Variants in TRMT11 observed in about 807,000 individuals in gnomAD.
The protein encoded by TRMT11 is tRNA (guanine(10)-N(2))-methyltransferase TRMT11.
In TRMT11, 53 loss-of-function variants were observed where a neutral mutation model predicts 62.8. The ratio of observed to expected loss-of-function variants is 0.84; its 90% CI spans 0.68 to 1.06. TRMT11 has a LOEUF of 1.06. TRMT11 is among the 50% of genes least tolerant of loss of function. The pLI is 0.00. For missense variants in TRMT11, 556 were observed against 553.4 expected (o/e 1.00, Z -0.05); for synonymous variants, 188 against 190.3 (o/e 0.99, Z 0.10).
chr6:126,067,863 T>C (rs1048113760), intron 17 of TRMT11, among the ~76,000 whole-genome samples: 3 of 152,238 alleles, frequency 2.0e-5, no homozygotes, highest in Non-Finnish European at 4.4e-5. Context: ...TTAAATTTTA[T>C]TCATTTGAGT....
chr6:126,093,595 A>G (rs1282321308), intron 17 of TRMT11, among the ~76,000 whole-genome samples: 1,069 of 62,138 alleles, frequency 0.017, 38 homozygotes, highest in Middle Eastern at 0.044. Flanking sequence ...GTATATATAT[A>G]TATATATATA....
In TRMT11 at chr6:126,152,307, T is replaced by G. The variant is rs1481140226; in HGVS notation, c.*1824-22518T>G. On this transcript the variant is annotated intron_variant and NMD_transcript_variant, in intron 21 of 22. Transcript: ENST00000648977. ...AAAAATCAAACATGATCAGCACAGT[T>G]ATTACTTTTTAAAGCCTTTTGAGAA... Among the ~76,000 whole-genome samples the G allele has an allele frequency of 2.6e-5, 4 of 151,222 alleles. No individual in the cohort carries two copies. In the East Asian group the frequency reaches 7.7e-4, roughly 29 times the overall value.
the TRMT11 span, among the ~76,000 whole-genome samples, chr6:126,212,123 GTACTCTATTATA>G: frequency 5.3e-5 from 8 of 152,102 alleles, no homozygotes; most frequent in Non-Finnish European, 1.5e-5. Flanking sequence ...TGGCTGAATA[GTACTCTATTATA>G]TGATATGTAC....
At chr6:125,986,767 G>C (rs1299584003) in intron 1 of TRMT11, 145 bp downstream of exon 1, 2 of 734,704 alleles carry the variant, frequency 2.7e-6, no homozygotes, top group East Asian at 2.8e-5. Flanking sequence ...CCCAGTCCTC[G>C]GGCGGGGTGA....
chr6:126,163,564 T>C (rs1271624935), intron 21 of TRMT11, among the ~76,000 whole-genome samples: 1 of 152,222 alleles, frequency 6.6e-6, no homozygotes, highest in Non-Finnish European at 1.5e-5. Flanking sequence ...GATGCTGGCC[T>C]CATAAAATGA....
At chr6:126,179,528 GT>G (rs896228744) in intron 1 of TRMT11, among the ~76,000 whole-genome samples, 1 of 151,870 alleles carries the variant, frequency 6.6e-6, no homozygotes, top group Non-Finnish European at 1.5e-5. Flanking sequence ...ACTGAACAAA[GT>G]TTTTTTTCTA....
Position 126,060,317 on chromosome 6 carries a change from A to G in TRMT11, c.*1437+7127A>G, listed in dbSNP as rs539136973. On this transcript the variant is annotated intron_variant and NMD_transcript_variant, in intron 17 of 22. Transcript: ENST00000648977. ...TTTTCTCGTAAGTGATAGCTGCTCT[A>G]TTACAGTCTCTAAAAATAATGTTTC... is the stretch of plus-strand genomic sequence containing the variant. Among the ~76,000 whole-genome samples the G allele has an allele frequency of 6.6e-4, 101 of 152,324 alleles. 1 individual carries two copies. Among genetic ancestry groups the G allele is most frequent in the African/African-American group, 2.3e-3 (96 of 41,590 alleles).
chr6:126,068,719 G>A (rs1194510108), intron 17 of TRMT11, among the ~76,000 whole-genome samples: 3 of 152,124 alleles, frequency 2.0e-5, no homozygotes, highest in Non-Finnish European at 2.9e-5. Context: ...ATTCAAGAGC[G>A]TATCGGCTAT....
intron 1 of TRMT11, among the ~76,000 whole-genome samples, chr6:126,190,778 CTTTTTTATGACTAAATAATA>C (rs1006438486): frequency 4.6e-4 from 70 of 152,250 alleles, no homozygotes; most frequent in African/African-American, 1.6e-3. Context: ...GGATTTCATT[CTTTTTTATGACTAAATAATA>C]TCCTATTGTG....
chr6:126,256,902 TC>T, the TRMT11 span, among the ~76,000 whole-genome samples: 3 of 152,264 alleles, frequency 2.0e-5, 1 homozygote, highest in South Asian at 6.2e-4. Flanking sequence ...TGTTTGTTTT[TC>T]GAGATGGAGT....
chr6:126,168,180 G>T (rs9375427), intron 21 of TRMT11, among the ~76,000 whole-genome samples: 31,639 of 151,948 alleles, frequency 0.21, 3,413 homozygotes, highest in Middle Eastern at 0.27. Context: ...TGAAGCTGTG[G>T]AACTCCTTCT....
Position 125,998,604 on chromosome 6 carries a change from G to A in TRMT11, c.442G>A (p.Val148Ile). 4 of 1,613,448 alleles carry A rather than the reference G, an allele frequency of 2.5e-6. No individual in the cohort carries two copies. Among genetic ancestry groups the A allele is most frequent in the Non-Finnish European group, 3.4e-6 (4 of 1,179,618 alleles). ...GKVNLKKPQH[V>I]FSVLEDYGLD... The stretch of plus-strand genomic sequence containing the variant: ...AGTGAATTTAAAGAAACCGCAACAT[G>A]TATTTTCTGTTTTGGAGGATTATGG... Residue 148 changes from valine (V) to isoleucine (I), a missense_variant, in exon 6 of 13, where the codon GTA becomes ATA. Physicochemically the swap from Val to Ile is conservative, Grantham distance 29 (BLOSUM62 3). Transcript: ENST00000334379.
chr6:126,024,232 C>T (rs978587035), intron 12 of TRMT11, among the ~76,000 whole-genome samples: 1 of 152,170 alleles, frequency 6.6e-6, no homozygotes, highest in African/African-American at 2.4e-5. Flanking sequence ...CTTGGGCTGG[C>T]ATAACCAAAT....
At chr6:126,158,026 C>T (rs1583893009) in intron 21 of TRMT11, among the ~76,000 whole-genome samples, 1 of 152,060 alleles carries the variant, frequency 6.6e-6, no homozygotes, top group East Asian at 1.9e-4. Context: ...CAATCATAAT[C>T]CCCTCCCTTC....
rs150949797 is a variant in TRMT11, at chr6:126,157,190, T to C, written c.*1824-17635T>C. On this transcript the variant is annotated intron_variant and NMD_transcript_variant, in intron 21 of 22. Coordinates refer to the TRMT11 transcript ENST00000648977. ...CAGGAAGTGGGCTGCCCACCTCTGA[T>C]ACCTCGTCCACACTTCCTCTTCTTC... Among the ~76,000 whole-genome samples, 167 of 152,264 alleles carry C rather than the reference T, an allele frequency of 1.1e-3. 1 individual carries two copies. The highest frequency in any genetic ancestry group is 3.7e-3 in the African/African-American group (153 of 41,566).
At chr6:126,135,036 T>A (rs1321922742) in intron 21 of TRMT11, among the ~76,000 whole-genome samples, 1 of 151,330 alleles carries the variant, frequency 6.6e-6, no homozygotes. Context: ...TACATCCAAA[T>A]AATAAAAAAA....
At chr6:126,043,005 G>A (rs1481876400), downstream of TRMT11, among the ~76,000 whole-genome samples, 4 of 151,914 alleles carry the variant, frequency 2.6e-5, no homozygotes, top group Non-Finnish European at 5.9e-5. Flanking sequence ...TGCACAAAGA[G>A]CCAAATTGCC....
At chr6:126,049,235 T>A (rs1420799319) in intron 16 of TRMT11, among the ~76,000 whole-genome samples, 1 of 152,220 alleles carries the variant, frequency 6.6e-6, no homozygotes, top group Non-Finnish European at 1.5e-5. Context: ...CATAAGTCTT[T>A]TAATTGATGG....
chr6:126,227,951 G>A, the TRMT11 span, among the ~76,000 whole-genome samples: 1 of 152,210 alleles, frequency 6.6e-6, no homozygotes, highest in Non-Finnish European at 1.5e-5. Context: ...TGAGAGCAGG[G>A]CAGGGGGCAC....
Sources: gnomAD v4.1 joint callset for allele counts (sites outside exome capture counted in the v4.1 genomes callset) on GRCh38, gnomAD v4.1.1 for gene constraint, MANE v1.5 for transcripts, NCBI Gene and HGNC (gene_info 2026-07-23, HGNC 2026-07-21) for gene names.